Variants in SYT1 observed in about 807,000 individuals in gnomAD.
SYT1 encodes the protein synaptotagmin-1.
A neutral mutation model predicts 44.8 loss-of-function variants in SYT1; 8 were observed. The observed-to-expected ratio is 0.18, with a 90% confidence interval of 0.10 to 0.32. The LOEUF is 0.32. SYT1 is among the 10% of genes least tolerant of loss of function. The pLI is 1.00. For missense variants in SYT1, 286 were observed against 509.3 expected, an observed-to-expected ratio of 0.56 and a Z score of 4.22; for synonymous variants, 154 against 188.8, an observed-to-expected ratio of 0.82 and a Z score of 1.51.
chr12:79,152,006 T>C (rs1870303986), intron 3 of SYT1, among the ~76,000 whole-genome samples: 1 of 151,934 alleles, frequency 6.6e-6, no homozygotes, highest in South Asian at 2.1e-4. Flanking sequence ...CAAAGAAGAC[T>C]GAGGAAGAGT....
At chr12:79,404,491 T>G (rs1885176303) in intron 9 of SYT1, among the ~76,000 whole-genome samples, 2 of 152,174 alleles carry the variant, frequency 1.3e-5, no homozygotes, top group Admixed American at 1.3e-4. Context: ...TTAATTCACC[T>G]GTGAGTTATT....
rs556304990 is a variant in SYT1 at position 79,376,208 on chromosome 12, C to T, written c.928+22589C>T. ...ATCTTGTGCAAGGAGGAATTCAGGGCGAGTCTGCAGTGCACAGTGAAAGCA... is the reference window on the plus strand; with the variant it reads ...ATCTTGTGCAAGGAGGAATTCAGGGTGAGTCTGCAGTGCACAGTGAAAGCA... On this transcript the variant is annotated intron_variant, in intron 9 of 10. Coordinates refer to ENST00000261205, the MANE Select transcript of SYT1 (RefSeq NM_005639.3). Among the ~76,000 whole-genome samples the T allele has an allele frequency of 3.9e-5, 6 of 152,110 alleles. No individual in the cohort carries two copies. The South Asian group carries it at 6.2e-4, about 16-fold the overall frequency.
chr12:79,250,845 C>T (rs529095940), intron 4 of SYT1, among the ~76,000 whole-genome samples: 1 of 152,102 alleles, frequency 6.6e-6, no homozygotes. Flanking sequence ...TTCGTTTTTT[C>T]TTTTTCCATC....
At chr12:78,924,899 T>C (rs1240956932) in intron 1 of SYT1, among the ~76,000 whole-genome samples, 1 of 151,762 alleles carries the variant, frequency 6.6e-6, no homozygotes, top group African/African-American at 2.4e-5. Flanking sequence ...TTTAGAAGCC[T>C]AGATCATGGG....
intron 2 of SYT1, among the ~76,000 whole-genome samples, chr12:79,005,150 C>A (rs768762380): frequency 2.0e-5 from 3 of 151,940 alleles, no homozygotes; most frequent in African/African-American, 7.2e-5. Context: ...GTGAAGTCAG[C>A]GGAGAACCTT....
At chr12:78,911,266 A>C (rs1275491772) in intron 1 of SYT1, among the ~76,000 whole-genome samples, 1 of 151,950 alleles carries the variant, frequency 6.6e-6, no homozygotes, top group African/African-American at 2.4e-5. Context: ...TTGATTTTGG[A>C]CATGAATATG....
At chr12:79,072,252 A>G (rs576604636) in intron 3 of SYT1, among the ~76,000 whole-genome samples, 601 of 152,232 alleles carry the variant, frequency 3.9e-3, no homozygotes, top group Non-Finnish European at 6.7e-3. Flanking sequence ...AATCATGGAT[A>G]TTGTGTAACC....
At chr12:79,434,819 G>T (rs1290094338) in intron 9 of SYT1, among the ~76,000 whole-genome samples, 4 of 151,972 alleles carry the variant, frequency 2.6e-5, no homozygotes, top group Non-Finnish European at 5.9e-5. Context: ...TTGGTTGGTT[G>T]CCGCCCACCT....
chr12:79,000,288 C>CT (rs559894598), intron 2 of SYT1, among the ~76,000 whole-genome samples: 7,368 of 113,042 alleles, frequency 0.065, 274 homozygotes, highest in East Asian at 0.086. Flanking sequence ...TTAACTGCTT[C>CT]TTTTTTTTTT....
intron 1 of SYT1, among the ~76,000 whole-genome samples, chr12:78,865,772 A>G (rs1302597880): frequency 2.6e-5 from 4 of 152,042 alleles, no homozygotes; most frequent in African/African-American, 9.7e-5. Flanking sequence ...TAAACCGACA[A>G]TCCAACCCAC....
intron 4 of SYT1, among the ~76,000 whole-genome samples, chr12:79,232,948 C>G (rs867399554): frequency 2.0e-5 from 3 of 152,202 alleles, no homozygotes; most frequent in Non-Finnish European, 4.4e-5. Context: ...CCCTCTACCC[C>G]ACTCTACTTT....
chr12:79,083,899 ATAT>A (rs1010872615), intron 3 of SYT1, among the ~76,000 whole-genome samples: 13 of 152,184 alleles, frequency 8.5e-5, no homozygotes, highest in African/African-American at 2.4e-4. Context: ...ATCCTTTGTA[ATAT>A]TATTTTTGTA....
intron 6 of SYT1, among the ~76,000 whole-genome samples, chr12:79,293,832 A>T (rs568499395): frequency 6.6e-6 from 1 of 152,314 alleles, no homozygotes; most frequent in Admixed American, 6.5e-5. Flanking sequence ...ATTCTAGAAA[A>T]CTACATTATT....
intron 8 of SYT1, among the ~76,000 whole-genome samples, chr12:79,304,915 A>C (rs2138900701): frequency 6.6e-6 from 1 of 152,224 alleles, no homozygotes; most frequent in Middle Eastern, 3.4e-3. Flanking sequence ...TTTCCCTTTA[A>C]ACTGCTACAG....
intron 3 of SYT1, among the ~76,000 whole-genome samples, chr12:79,206,666 A>G (rs1017668799): frequency 1.3e-5 from 2 of 152,222 alleles, no homozygotes; most frequent in Non-Finnish European, 2.9e-5. Flanking sequence ...ACAGTCTTCC[A>G]TGTGCAGTTA....
At chr12:79,375,646 A>G (rs1883962640) in intron 9 of SYT1, among the ~76,000 whole-genome samples, 1 of 152,196 alleles carries the variant, frequency 6.6e-6, no homozygotes, top group Non-Finnish European at 1.5e-5. Flanking sequence ...AAAACCAAAG[A>G]TAATCCCTAC....
intron 9 of SYT1, among the ~76,000 whole-genome samples, chr12:79,361,280 A>G (rs572858140): frequency 6.6e-6 from 1 of 152,300 alleles, no homozygotes; most frequent in Admixed American, 6.5e-5. Flanking sequence ...GATTTTATTG[A>G]TGATGGAACT....
At chr12:78,911,913 A>G (rs978330345) in intron 1 of SYT1, among the ~76,000 whole-genome samples, 3 of 152,020 alleles carry the variant, frequency 2.0e-5, no homozygotes, top group African/African-American at 7.2e-5. Flanking sequence ...AATGTGATGA[A>G]TATTTGTTGA....
chr12:79,305,244 G>GA (rs1308153845), intron 8 of SYT1, among the ~76,000 whole-genome samples: 1 of 152,080 alleles, frequency 6.6e-6, no homozygotes, highest in Non-Finnish European at 1.5e-5. Flanking sequence ...AAATTCCCTA[G>GA]AAAAGTAATA....
Sources: gnomAD v4.1 joint callset for allele counts (sites outside exome capture counted in the v4.1 genomes callset) on GRCh38, gnomAD v4.1.1 for gene constraint, MANE v1.5 for transcripts, NCBI Gene and HGNC (gene_info 2026-07-23, HGNC 2026-07-21) for gene names.